The following NBAS variants were observed in gnomAD, a reference collection of about 807,000 sequenced individuals.
NBAS encodes the protein NAG/BC035112 fusion.
NBAS carries 219 observed loss-of-function variants against 302.5 expected under a neutral mutation model. The observed-to-expected ratio is 0.72, with a 90% CI of 0.65 to 0.81. The LOEUF is 0.81. NBAS is among the 30% of genes least tolerant of loss of function. NBAS has a pLI of 0.00. For missense variants in NBAS, 2,932 were observed against 2,841.6 expected (o/e 1.03, Z -0.72); for synonymous variants, 1,118 against 1,021.6 (o/e 1.09, Z -1.80).
the NBAS span, among the ~76,000 whole-genome samples, chr2:14,807,428 G>C: frequency 6.7e-6 from 1 of 148,750 alleles, no homozygotes; most frequent in Non-Finnish European, 1.5e-5. Flanking sequence ...CTCTTAAAGA[G>C]TTTTCAAATC....
At chr2:15,363,879 G>A (rs1470407255) in intron 32 of NBAS, among the ~76,000 whole-genome samples, 2 of 152,196 alleles carry the variant, frequency 1.3e-5, no homozygotes, top group African/African-American at 2.4e-5. Flanking sequence ...GGAAGTGATG[G>A]TGTGTGACTT....
the NBAS span, among the ~76,000 whole-genome samples, chr2:15,156,946 G>C: frequency 6.6e-6 from 1 of 152,130 alleles, no homozygotes; most frequent in African/African-American, 2.4e-5. Context: ...TCCAGAGAAA[G>C]CCATAGGCAT....
intron 38 of NBAS, among the ~76,000 whole-genome samples, chr2:15,321,843 G>T (rs1671822507): frequency 6.6e-6 from 1 of 152,132 alleles, no homozygotes; most frequent in Admixed American, 6.5e-5. Flanking sequence ...GATTCCTCAA[G>T]GATCTAGAAC....
chr2:15,193,084 C>T (rs1665439597), intron 48 of NBAS, among the ~76,000 whole-genome samples: 1 of 151,922 alleles, frequency 6.6e-6, no homozygotes, highest in African/African-American at 2.4e-5. Context: ...ATAATAGTTC[C>T]CATGTTTAAA....
chr2:15,384,182 G>A (rs1675177529), intron 28 of NBAS, among the ~76,000 whole-genome samples: 1 of 152,132 alleles, frequency 6.6e-6, no homozygotes, highest in South Asian at 2.1e-4. Flanking sequence ...ACTTTATATT[G>A]ATTTACAGAG....
chr2:15,072,088 A>G, the NBAS span, among the ~76,000 whole-genome samples: 10 of 152,334 alleles, frequency 6.6e-5, no homozygotes, highest in East Asian at 5.8e-4. Flanking sequence ...AGAATTATCT[A>G]TTTTAAGGCT....
At chr2:14,881,498 C>T in the NBAS span, among the ~76,000 whole-genome samples, 15 of 152,316 alleles carry the variant, frequency 9.8e-5, no homozygotes, top group East Asian at 3.9e-4. Flanking sequence ...GCACATGTAC[C>T]GCCAAATCTA....
chr2:15,138,661 T>C, the NBAS span, among the ~76,000 whole-genome samples: 1 of 151,874 alleles, frequency 6.6e-6, no homozygotes, highest in Non-Finnish European at 1.5e-5. Flanking sequence ...CACAGACCTT[T>C]GAGTCTTCAA....
the NBAS span, among the ~76,000 whole-genome samples, chr2:15,073,492 T>A: frequency 0.38 from 53,388 of 142,090 alleles, 14,766 homozygotes; most frequent in African/African-American, 0.78. Context: ...AAAAAAAAAA[T>A]AAAAAATAAA....
chr2:15,359,240 T>A (rs2148320747), intron 32 of NBAS, among the ~76,000 whole-genome samples: 1 of 150,240 alleles, frequency 6.7e-6, no homozygotes, highest in East Asian at 2.0e-4. Flanking sequence ...GTAAAAAAAA[T>A]CTTGTTTTTC....
At chr2:15,023,270 A>G in the NBAS span, among the ~76,000 whole-genome samples, 250 of 152,250 alleles carry the variant, frequency 1.6e-3, 1 homozygote, top group Admixed American at 4.8e-3. Context: ...ATAGTATTCT[A>G]TGGTATGTGC....
At chr2:15,490,573 T>A (rs1302907026) in intron 11 of NBAS, among the ~76,000 whole-genome samples, 1 of 152,128 alleles carries the variant, frequency 6.6e-6, no homozygotes, top group East Asian at 1.9e-4. Flanking sequence ...AGCTCCATGG[T>A]TTTGTATAAG....
the NBAS span, among the ~76,000 whole-genome samples, chr2:14,786,124 A>G: frequency 1.3e-5 from 2 of 152,154 alleles, no homozygotes; most frequent in South Asian, 4.1e-4. Flanking sequence ...TGTTTGTAGT[A>G]TTCTCTGATG....
At chr2:15,125,320 T>C in the NBAS span, among the ~76,000 whole-genome samples, 1 of 152,152 alleles carries the variant, frequency 6.6e-6, no homozygotes, top group African/African-American at 2.4e-5. Flanking sequence ...CTTACAATCA[T>C]GGCAGAAGAT....
chr2:15,081,526 G>A, the NBAS span, among the ~76,000 whole-genome samples: 1 of 152,190 alleles, frequency 6.6e-6, no homozygotes, highest in Admixed American at 6.5e-5. Flanking sequence ...ACAGTCCACT[G>A]GCTATCCCAA....
Position 15,167,062 on chromosome 2 carries a change from G to A in NBAS, c.7102C>T (p.Gln2368Ter), listed in dbSNP as rs1664051481. ...ACAGGTGGCCCTCACACCCAGTGCT[G>A]TGCTGCGCGGAGGGCTGTACTGAAG... ...RTFSTALRAA[Q>*]HWV The change falls in exon 52 of 52, where the codon CAG becomes TAG. Residue 2368 changes from glutamine to a stop codon, truncating the protein, a stop_gained. Coordinates refer to ENST00000281513, the MANE Select transcript of NBAS (RefSeq NM_015909.4). LOFTEE classifies it high-confidence loss of function. 6.3e-7 allele frequency: 1 copy of A among 1,587,142 alleles called. No homozygotes were observed. The highest frequency in any genetic ancestry group is 1.2e-5 in the South Asian group (1 of 86,462).
the NBAS span, among the ~76,000 whole-genome samples, chr2:15,087,256 A>G: frequency 7.8e-6 from 1 of 127,876 alleles, no homozygotes; most frequent in South Asian, 2.3e-4. Context: ...ACACACACAC[A>G]CCCCATATTG....
chr2:15,067,646 A>C, the NBAS span, among the ~76,000 whole-genome samples: 1 of 151,960 alleles, frequency 6.6e-6, no homozygotes, highest in Non-Finnish European at 1.5e-5. Flanking sequence ...AGAAACAGAG[A>C]GTAGAATGGT....
chr2:15,184,227 G>A (rs1464139234), intron 50 of NBAS, among the ~76,000 whole-genome samples: 4 of 152,082 alleles, frequency 2.6e-5, no homozygotes, highest in South Asian at 2.1e-4. Flanking sequence ...CCTATAGGTC[G>A]TTTTGGCCCC....
Sources: allele counts gnomAD v4.1 joint callset (sites outside exome capture counted in the v4.1 genomes callset), GRCh38; gene constraint gnomAD v4.1.1; transcripts MANE v1.5; gene names NCBI Gene and HGNC (gene_info 2026-07-23, HGNC 2026-07-21).